Variants in DPH6 observed in about 807,000 individuals in gnomAD.
The protein encoded by DPH6 is diphthine--ammonia ligase.
A neutral mutation model predicts 38.2 loss-of-function variants in DPH6; 33 were observed. The observed-to-expected ratio is 0.86, with a 90% CI of 0.65 to 1.15. The LOEUF (loss-of-function observed/expected upper bound fraction) is 1.15. DPH6 is among the 50% of genes most tolerant of loss of function. The pLI is 0.00. For missense variants in DPH6, 325 were observed against 320.0 expected (o/e 1.02, Z -0.12); for synonymous variants, 108 against 103.0 (o/e 1.05, Z -0.30).
At chr15:35,168,673 A>C in the DPH6 span, among the ~76,000 whole-genome samples, 3 of 152,098 alleles carry the variant, frequency 2.0e-5, no homozygotes, top group Non-Finnish European at 4.4e-5. Flanking sequence ...TATATGTTAA[A>C]ATTTTTTTAA....
Position 35,538,258 on chromosome 15 carries a change from T to A in DPH6, c.312+16A>T. 2.1e-6 allele frequency: 3 copies of A among 1,445,328 alleles called. No individual in the cohort carries two copies. Among genetic ancestry groups the A allele is most frequent in the Non-Finnish European group, 2.8e-6 (3 of 1,078,524 alleles). 89.5% of individuals were successfully genotyped at this position (1,445,328 alleles called of 1,614,324 possible). A position where few individuals can be genotyped will look rare whatever the true frequency, so the allele number is the denominator to read the frequency against. On this transcript the variant is annotated intron_variant, in intron 3 of 8. Coordinates refer to ENST00000256538, the MANE Select transcript of DPH6 (RefSeq NM_080650.4). ...ACACACTAAATCCAATATACTTAAT[T>A]GGTTACTCTGCATACCTTAACAAGT...
chr15:35,543,258 TAATATATATATATATATATATA>T lies in DPH6; in HGVS notation c.24-773_24-752del, dbSNP rs1302270485. On this transcript the variant is annotated intron_variant, in intron 1 of 8. Coordinates refer to ENST00000256538, the MANE Select transcript of DPH6 (RefSeq NM_080650.4). Reference sequence around the variant, plus strand: ...CATACATATAGTACACACATACACATAATATATATATATATATATATATATATATATATATATATATATATGA... The same window carrying T: ...CATACATATAGTACACACATACACATTATATATATATATATATATATATGA... Among the ~76,000 whole-genome samples, 149 of 92,628 alleles carry T rather than the reference TAATATATATATATATATATATA, an allele frequency of 1.6e-3. 1 individual carries two copies. The highest frequency in any genetic ancestry group is 5.1e-3 in the African/African-American group (115 of 22,360). 60.8% of individuals were successfully genotyped at this position (92,628 alleles called of 152,430 possible).
rs1566868339 is a variant in DPH6 at position 35,318,787 on chromosome 15, A to C, written n.200+54734T>G. On this transcript the variant is annotated intron_variant and non_coding_transcript_variant, in intron 3 of 3. Coordinates refer to the DPH6 transcript ENST00000560386. ...AAACTGTAAAATAAATTTTTTATTT[A>C]TTTTAAAAAATGTGTATAATGTATT... Among the ~76,000 whole-genome samples the C allele has an allele frequency of 2.6e-5, 4 of 152,282 alleles. No homozygotes were observed. The South Asian group carries it at 8.3e-4, about 32-fold the overall frequency.
chr15:35,541,686 A>T lies in DPH6; in HGVS notation c.118+727T>A, dbSNP rs1179674823. ...GTAATACAAAAGTCACAAAAGTGCT[A>T]ATCTTTTTTCCCTCTTACATTTTAG... On this transcript the variant is annotated intron_variant, in intron 2 of 8. Coordinates refer to ENST00000256538, the MANE Select transcript of DPH6 (RefSeq NM_080650.4). Among the ~76,000 whole-genome samples the T allele has an allele frequency of 4.6e-5, 7 of 152,300 alleles. No individual in the cohort carries two copies. In the South Asian group the frequency reaches 6.2e-4, roughly 14 times the overall value.
At chr15:35,269,128 G>A (rs1045158268) in intron 3 of DPH6, among the ~76,000 whole-genome samples, 3 of 152,080 alleles carry the variant, frequency 2.0e-5, no homozygotes, top group Non-Finnish European at 1.5e-5. Flanking sequence ...ATATTATGAG[G>A]ACTACCTAAA....
chr15:35,448,024 T>C (rs574702384), intron 5 of DPH6, among the ~76,000 whole-genome samples: 1 of 152,310 alleles, frequency 6.6e-6, no homozygotes, highest in South Asian at 2.1e-4. Flanking sequence ...CAAACAAATA[T>C]ATCTTTCAAG....
chr15:35,350,321 T>TG (rs970617069), intron 3 of DPH6, among the ~76,000 whole-genome samples: 8 of 102,862 alleles, frequency 7.8e-5, no homozygotes, highest in African/African-American at 6.4e-4. Flanking sequence ...TACTGGAGTC[T>TG]GTTTTTTTTT....
chr15:35,222,413 G>A (rs532325106), intron 3 of DPH6, among the ~76,000 whole-genome samples: 480 of 152,300 alleles, frequency 3.2e-3, no homozygotes, highest in Non-Finnish European at 5.0e-3. Context: ...AGGTCCTGAT[G>A]ACATGTGCCC....
intron 3 of DPH6, among the ~76,000 whole-genome samples, chr15:35,300,616 A>G (rs1003375485): frequency 2.6e-5 from 4 of 152,244 alleles, no homozygotes; most frequent in Admixed American, 1.3e-4. Context: ...GGGAAAAGAC[A>G]AATGGGAGAG....
intron 3 of DPH6, among the ~76,000 whole-genome samples, chr15:35,513,002 G>T (rs2054795767): frequency 1.3e-5 from 2 of 151,490 alleles, no homozygotes; most frequent in African/African-American, 2.4e-5. Flanking sequence ...TATTATACAG[G>T]CACATGATAG....
At chr15:35,466,967 T>C (rs2054134351) in intron 3 of DPH6, among the ~76,000 whole-genome samples, 1 of 152,156 alleles carries the variant, frequency 6.6e-6, no homozygotes, top group Non-Finnish European at 1.5e-5. Context: ...GAGTGAATGT[T>C]GAGTGAATAC....
At chr15:35,494,911 C>A (rs949877965) in intron 3 of DPH6, among the ~76,000 whole-genome samples, 1 of 152,002 alleles carries the variant, frequency 6.6e-6, no homozygotes, top group Non-Finnish European at 1.5e-5. Context: ...CAGGCTTTCA[C>A]CCTAAAATCA....
chr15:35,523,182 T>G (rs1025359075), intron 3 of DPH6, among the ~76,000 whole-genome samples: 3 of 151,722 alleles, frequency 2.0e-5, no homozygotes, highest in South Asian at 4.1e-4. Context: ...AAAACCATTA[T>G]TATTTCTTAT....
intron 3 of DPH6, chr15:35,521,852 G>A: frequency 4.5e-6 from 6 of 1,346,498 alleles, no homozygotes; most frequent in Non-Finnish European, 5.7e-6. Context: ...AAAGCAAAGT[G>A]ATTAGCAGTC....
At chr15:35,384,503 T>A (rs2052917594) in intron 6 of DPH6, among the ~76,000 whole-genome samples, 1 of 151,880 alleles carries the variant, frequency 6.6e-6, no homozygotes, top group East Asian at 1.9e-4. Flanking sequence ...CAATCAAAAA[T>A]GTCTGCAGAT....
At chr15:35,277,651 C>A (rs1177560805) in intron 3 of DPH6, among the ~76,000 whole-genome samples, 1 of 152,042 alleles carries the variant, frequency 6.6e-6, no homozygotes, top group Admixed American at 6.5e-5. Flanking sequence ...TGGTTATGAC[C>A]AGAATGTTGA....
intron 3 of DPH6, among the ~76,000 whole-genome samples, chr15:35,525,363 C>A (rs574064350): frequency 2.2e-4 from 34 of 152,200 alleles, no homozygotes; most frequent in Admixed American, 1.1e-3. Context: ...GCTTTATACT[C>A]CCTTCTCTTT....
chr15:35,298,145 C>T (rs113092644), intron 3 of DPH6: 20 of 380,464 alleles, frequency 5.3e-5, no homozygotes, highest in Non-Finnish European at 8.1e-5. Flanking sequence ...CCAAGAGTCT[C>T]AGTATGCAAC....
At chr15:35,358,465 G>T (rs917765328) in intron 3 of DPH6, among the ~76,000 whole-genome samples, 1 of 152,166 alleles carries the variant, frequency 6.6e-6, no homozygotes, top group South Asian at 2.1e-4. Flanking sequence ...GCCTTGTTTT[G>T]TCATATTACC....
Sources: gnomAD v4.1 joint callset for allele counts (sites outside exome capture counted in the v4.1 genomes callset) on GRCh38, gnomAD v4.1.1 for gene constraint, MANE v1.5 for transcripts, NCBI Gene and HGNC (gene_info 2026-07-23, HGNC 2026-07-21) for gene names.